The following XIRP2 variants were observed in gnomAD, a reference collection of about 807,000 sequenced individuals.
XIRP2 encodes xin actin-binding repeat-containing protein 2.
In XIRP2, 236 loss-of-function variants were observed where a neutral mutation model predicts 277.0. That is an observed-to-expected ratio of 0.85 (90% CI 0.77 to 0.95). XIRP2 has a LOEUF of 0.95. Ranked by LOEUF, XIRP2 falls within the 40% of genes least tolerant of loss-of-function variation. The pLI, the probability that XIRP2 is intolerant of heterozygous loss-of-function variation, is 0.00. For missense variants in XIRP2, 4,640 were observed against 4,157.5 expected, an observed-to-expected ratio of 1.12 and a Z score of -3.19; for synonymous variants, 1,490 against 1,416.5, an observed-to-expected ratio of 1.05 and a Z score of -1.17.
chr2:167,181,761 T>C (rs2105357733), intron 3 of XIRP2, among the ~76,000 whole-genome samples: 1 of 152,220 alleles, frequency 6.6e-6, no homozygotes, highest in African/African-American at 2.4e-5. Flanking sequence ...CTGACGTAAC[T>C]AGTAAAGAAC....
At chr2:167,060,443 G>A (rs1383810401) in intron 2 of XIRP2, among the ~76,000 whole-genome samples, 1 of 152,048 alleles carries the variant, frequency 6.6e-6, no homozygotes, top group Non-Finnish European at 1.5e-5. Context: ...AAAAGGGAAA[G>A]TATTTTTCCC....
chr2:166,898,021 G>A (rs1284717529), intron 1 of XIRP2, among the ~76,000 whole-genome samples: 1 of 152,080 alleles, frequency 6.6e-6, no homozygotes. Context: ...CAGCTGTATG[G>A]TTTGTTTCCA....
At chr2:167,128,502 C>T (rs1180236382) in intron 2 of XIRP2, among the ~76,000 whole-genome samples, 1 of 152,142 alleles carries the variant, frequency 6.6e-6, no homozygotes, top group Non-Finnish European at 1.5e-5. Context: ...CTACACATTC[C>T]ACAGGGCTCA....
At chr2:167,127,169 T>C (rs938751917) in intron 2 of XIRP2, among the ~76,000 whole-genome samples, 2 of 152,164 alleles carry the variant, frequency 1.3e-5, no homozygotes, top group Admixed American at 6.6e-5. Context: ...ATGCCCTACT[T>C]CCTTGGTGTT....
chr2:167,052,060 G>A (rs1688926435), intron 2 of XIRP2, among the ~76,000 whole-genome samples: 1 of 151,928 alleles, frequency 6.6e-6, no homozygotes, highest in South Asian at 2.1e-4. Flanking sequence ...TACAAGCTAA[G>A]GATATAAAGT....
intron 3 of XIRP2, among the ~76,000 whole-genome samples, chr2:167,138,545 G>A (rs1012614081): frequency 6.6e-6 from 1 of 152,098 alleles, no homozygotes; most frequent in Non-Finnish European, 1.5e-5. Context: ...ATAAACCATA[G>A]TGCTCCCGTG....
Position 167,247,051 on chromosome 2 carries a change from C to T in XIRP2, c.5659C>T (p.Gln1887Ter). ...AAGCCATCGATGGAAAGAATCTAAA[C>T]AGCCTGATGCCATCCCTGGTGATAT... ...ESSHRWKESK[Q>*]PDAIPGDIEK... is the part of the protein sequence containing the mutation. Residue 1887 changes from glutamine (Q) to a stop codon, truncating the protein, a stop_gained, in exon 9 of 11, where the codon CAG (glutamine) becomes TAG (stop). Coordinates refer to ENST00000409195, the MANE Select transcript of XIRP2 (RefSeq NM_152381.6). LOFTEE classifies it high-confidence loss of function. The T allele has an allele frequency of 1.2e-6, 2 of 1,612,984 alleles. No homozygotes were observed. The highest frequency in any genetic ancestry group is 1.7e-6 in the Non-Finnish European group (2 of 1,179,616).
At chr2:167,199,898 G>A (rs573490411) in intron 3 of XIRP2, among the ~76,000 whole-genome samples, 3 of 152,050 alleles carry the variant, frequency 2.0e-5, no homozygotes, top group East Asian at 1.9e-4. Context: ...CAAATGAAGC[G>A]GTAGGAATGA....
At chr2:166,954,089 G>A (rs970729088) in intron 2 of XIRP2, among the ~76,000 whole-genome samples, 2 of 151,504 alleles carry the variant, frequency 1.3e-5, no homozygotes, top group African/African-American at 4.8e-5. Context: ...ACCCTACTGG[G>A]TGTGTGTGTG....
At chr2:167,125,093 C>T (rs995476849) in intron 2 of XIRP2, among the ~76,000 whole-genome samples, 11 of 152,084 alleles carry the variant, frequency 7.2e-5, no homozygotes, top group African/African-American at 2.4e-4. Context: ...TTCTCTTGAC[C>T]CTTCTAAAGT....
chr2:167,173,588 A>G (rs1382521800), intron 3 of XIRP2, among the ~76,000 whole-genome samples: 1 of 152,206 alleles, frequency 6.6e-6, no homozygotes, highest in Non-Finnish European at 1.5e-5. Context: ...GCTGCAATAA[A>G]CATGAGAGTG....
chr2:167,201,338 AAGGAAAGAAG>A (rs1693710796), intron 3 of XIRP2, among the ~76,000 whole-genome samples: 1 of 151,156 alleles, frequency 6.6e-6, no homozygotes, highest in Non-Finnish European at 1.5e-5. Flanking sequence ...GGAAGGAAGG[AAGGAAAGAAG>A]GAAGGAAGGA....
intron 3 of XIRP2, among the ~76,000 whole-genome samples, chr2:167,140,598 G>A (rs903039625): frequency 1.2e-4 from 19 of 152,068 alleles, no homozygotes; most frequent in African/African-American, 3.9e-4. Flanking sequence ...TCCCAGCACC[G>A]GCTTCTGCTT....
intron 3 of XIRP2, among the ~76,000 whole-genome samples, chr2:167,146,432 C>T (rs1435846312): frequency 1.3e-5 from 2 of 151,040 alleles, no homozygotes; most frequent in African/African-American, 2.4e-5. Flanking sequence ...ATCCAAGAGG[C>T]GGAGGTTGCA....
chr2:167,106,512 C>T (rs1690623495), intron 2 of XIRP2, among the ~76,000 whole-genome samples: 1 of 151,672 alleles, frequency 6.6e-6, no homozygotes, highest in South Asian at 2.1e-4. Flanking sequence ...GTTCTATATA[C>T]ATATACTCTT....
intron 7 of XIRP2, among the ~76,000 whole-genome samples, chr2:167,241,497 C>T (rs894819230): frequency 9.9e-5 from 15 of 152,104 alleles, no homozygotes; most frequent in Admixed American, 9.2e-4. Context: ...TGAAATAATG[C>T]CATATGCATG....
chr2:167,231,305 C>A (rs904918353), intron 5 of XIRP2, among the ~76,000 whole-genome samples: 3 of 151,984 alleles, frequency 2.0e-5, no homozygotes, highest in African/African-American at 7.2e-5. Flanking sequence ...ATAACAGCAA[C>A]TCTTTATGAT....
At chr2:167,014,205 G>GA (rs1687760780) in intron 2 of XIRP2, among the ~76,000 whole-genome samples, 1 of 151,260 alleles carries the variant, frequency 6.6e-6, no homozygotes, top group South Asian at 2.1e-4. Flanking sequence ...TGCACATTAG[G>GA]AAAAACAAAT....
intron 2 of XIRP2, among the ~76,000 whole-genome samples, chr2:167,056,855 G>A (rs77444676): frequency 2.6e-5 from 4 of 151,914 alleles, no homozygotes; most frequent in African/African-American, 9.7e-5. Flanking sequence ...CTTATAAAGC[G>A]GGGAGCTTTG....
Sources: gnomAD v4.1 joint callset for allele counts (sites outside exome capture counted in the v4.1 genomes callset) on GRCh38, gnomAD v4.1.1 for gene constraint, MANE v1.5 for transcripts, NCBI Gene and HGNC (gene_info 2026-07-23, HGNC 2026-07-21) for gene names.